PTPRT: variants seen among roughly 807,000 people sequenced by gnomAD.
The protein encoded by PTPRT is protein tyrosine phosphatase receptor type T, also known as receptor-type tyrosine-protein phosphatase T.
PTPRT carries 56 observed loss-of-function variants against 176.8 expected under a neutral mutation model. That is an observed-to-expected ratio of 0.32 (90% CI 0.26 to 0.40). The LOEUF (loss-of-function observed/expected upper bound fraction) is 0.40, where lower values mean the gene tolerates loss of function less well. Among genes scored for constraint, PTPRT ranks in the 10% least tolerant of loss-of-function variants. The probability of loss-of-function intolerance (pLI) is 1.00; values close to 1 mark genes in which losing one functional copy is unlikely to be tolerated. For synonymous variants in PTPRT, 783 were observed against 739.0 expected, an observed-to-expected ratio of 1.06 and a Z score of -0.96; for missense variants, 1,540 against 1,908.2, an observed-to-expected ratio of 0.81 and a Z score of 3.60.
At position 42,085,709 on chromosome 20, in the gene PTPRT, A is replaced by T. The variant is rs1357158227; in HGVS notation, c.3972+19T>A. 1 of 1,613,074 alleles carries T rather than the reference A, an allele frequency of 6.2e-7. No homozygotes were observed. The highest frequency in any genetic ancestry group is 1.7e-5 in the Admixed American group (1 of 60,008). ...TTGGGGAGGAGGGGCTCAGCAAGCA[A>T]TGGCGGCCGTGTACTTACCCGGGCC... On this transcript the variant is annotated intron_variant, in intron 28 of 30. Transcript: ENST00000373187.
intron 16 of PTPRT, among the ~76,000 whole-genome samples, chr20:42,184,955 C>T (rs964182453): frequency 3.3e-5 from 5 of 151,998 alleles, no homozygotes; most frequent in African/African-American, 1.2e-4. Flanking sequence ...TGGTATTAAA[C>T]TCATCCTGGC....
Position 42,941,991 on chromosome 20 carries a change from T to TA in PTPRT, c.89-56060dup, listed in dbSNP as rs879519310. Among the ~76,000 whole-genome samples the TA allele has an allele frequency of 5.6e-3, 785 of 141,284 alleles. 6 individuals carry two copies. Among genetic ancestry groups the TA allele is most frequent in the African/African-American group, 0.018 (684 of 38,630 alleles). The allele number at this position is 141,284 out of a possible 152,430, so 92.7% of individuals were successfully genotyped here. On this transcript the variant is annotated intron_variant, in intron 1 of 30. Transcript: ENST00000373187. ...ACAATTGAGAAGTCATTCCTCCCATTAAAAAAAAAAAGCAAAATGCAACTC... is the reference window on the plus strand; with the variant it reads ...ACAATTGAGAAGTCATTCCTCCCATTAAAAAAAAAAAAGCAAAATGCAACTC...
intron 13 of PTPRT, among the ~76,000 whole-genome samples, chr20:42,267,438 A>C (rs909609839): frequency 2.6e-5 from 4 of 152,358 alleles, no homozygotes; most frequent in African/African-American, 9.6e-5. Flanking sequence ...TTATATTATT[A>C]AAATTAGCTT....
intron 16 of PTPRT, among the ~76,000 whole-genome samples, chr20:42,180,969 TC>T: frequency 6.6e-6 from 1 of 152,196 alleles, no homozygotes; most frequent in Non-Finnish European, 1.5e-5. Flanking sequence ...AACCTCAATC[TC>T]CACATGTGTG....
chr20:42,288,616 A>T (rs539798003), intron 12 of PTPRT, among the ~76,000 whole-genome samples: 14 of 152,082 alleles, frequency 9.2e-5, no homozygotes, highest in South Asian at 2.1e-4. Context: ...AACATGTGGC[A>T]TTTGATTTTC....
At chr20:42,477,482 A>G (rs752349218) in intron 7 of PTPRT, among the ~76,000 whole-genome samples, 2 of 152,204 alleles carry the variant, frequency 1.3e-5, no homozygotes, top group Non-Finnish European at 2.9e-5. Flanking sequence ...TCATGCTTTC[A>G]GTCCGACCCC....
chr20:42,518,585 T>C (rs1328586223), intron 7 of PTPRT, among the ~76,000 whole-genome samples: 1 of 152,096 alleles, frequency 6.6e-6, no homozygotes, highest in African/African-American at 2.4e-5. Context: ...CTATTTTAAA[T>C]TGTGCCATAT....
chr20:42,574,470 C>A (rs2073221153), intron 7 of PTPRT, among the ~76,000 whole-genome samples: 1 of 152,146 alleles, frequency 6.6e-6, no homozygotes, highest in South Asian at 2.1e-4. Context: ...CCAAAGGTGA[C>A]CTGCTTAGAA....
chr20:42,603,803 T>C (rs1421931082), intron 7 of PTPRT, among the ~76,000 whole-genome samples: 1 of 152,126 alleles, frequency 6.6e-6, no homozygotes, highest in Non-Finnish European at 1.5e-5. Context: ...GTAGATGTGT[T>C]TCCCAAGACA....
chr20:42,799,242 G>A (rs568101126), intron 2 of PTPRT, among the ~76,000 whole-genome samples: 5 of 152,154 alleles, frequency 3.3e-5, no homozygotes, highest in Middle Eastern at 3.4e-3. Flanking sequence ...GCAGGCGAGG[G>A]AAGGGGTACT....
chr20:42,201,781 C>T (rs1991460396), intron 15 of PTPRT, among the ~76,000 whole-genome samples: 1 of 151,364 alleles, frequency 6.6e-6, no homozygotes, highest in Admixed American at 6.6e-5. Context: ...TATGCCCTTC[C>T]TCTGGTCGCC....
intron 7 of PTPRT, among the ~76,000 whole-genome samples, chr20:42,520,802 C>CATATATATATATATAT (rs58797064): frequency 2.8e-4 from 39 of 141,746 alleles, no homozygotes; most frequent in African/African-American, 5.0e-4. Context: ...CTTGGAAAGA[C>CATATATATATATATAT]ATATATATAT....
intron 9 of PTPRT, among the ~76,000 whole-genome samples, chr20:42,418,469 G>A (rs1014417112): frequency 6.6e-6 from 1 of 152,136 alleles, no homozygotes; most frequent in African/African-American, 2.4e-5. Flanking sequence ...AGGACCATGA[G>A]TTAGAAAACA....
Position 42,654,099 on chromosome 20 carries a change from G to A in PTPRT, c.1153+23767C>T, listed in dbSNP as rs755011187. Among the ~76,000 whole-genome samples the A allele has an allele frequency of 2.6e-5, 4 of 152,218 alleles. No individual in the cohort carries two copies. In the South Asian group the frequency reaches 8.3e-4, roughly 32 times the overall value. On this transcript the variant is annotated intron_variant, in intron 7 of 30. Coordinates refer to ENST00000373187, the MANE Select transcript of PTPRT (RefSeq NM_007050.6). ...TTGCAGGGCTTCAAATGGCAGGAAA[G>A]GTAGTGACAACACTCCCAGGATGTT...
At chr20:42,903,951 G>A (rs937301881) in intron 1 of PTPRT, among the ~76,000 whole-genome samples, 2 of 152,162 alleles carry the variant, frequency 1.3e-5, no homozygotes, top group African/African-American at 2.4e-5. Flanking sequence ...AGAAGGAAGT[G>A]TACACAAAGG....
Position 42,085,791 on chromosome 20 carries a change from G to A in PTPRT, c.3909C>T (p.Phe1303=), listed in dbSNP as rs34623060. ...TGTCCTCGTCGATGTCTGCGGAGAC[G>A]AACTCCACCTGGATGGGCCCATAGC... The part of the protein sequence containing the change: ...SGCYGPIQVE[F]VSADIDEDII... Residue 1303 remains phenylalanine, a synonymous_variant, in exon 28 of 31, where the codon TTC becomes TTT. Coordinates refer to ENST00000373187, the MANE Select transcript of PTPRT (RefSeq NM_007050.6). 4.0e-5 allele frequency: 64 copies of A among 1,613,802 alleles called. No homozygotes were observed. Among genetic ancestry groups the A allele is most frequent in the Non-Finnish European group, 5.2e-5 (61 of 1,179,880 alleles).
At chr20:42,353,801 C>G (rs548321647) in intron 9 of PTPRT, among the ~76,000 whole-genome samples, 29 of 152,254 alleles carry the variant, frequency 1.9e-4, no homozygotes, top group African/African-American at 7.0e-4. Context: ...GAAATCCCAG[C>G]AATTTAGGAG....
chr20:42,549,012 C>A (rs1426508055), intron 7 of PTPRT, among the ~76,000 whole-genome samples: 1 of 152,110 alleles, frequency 6.6e-6, no homozygotes, highest in Non-Finnish European at 1.5e-5. Context: ...AGCTCGGGAG[C>A]ATGGACTAGT....
chr20:42,103,263 G>A (rs1204289338), intron 25 of PTPRT, among the ~76,000 whole-genome samples: 4 of 152,298 alleles, frequency 2.6e-5, no homozygotes, highest in Non-Finnish European at 5.9e-5. Context: ...GCTTCCAGGT[G>A]TGGATCTGGT....
Sources: gnomAD v4.1 joint callset for allele counts (sites outside exome capture counted in the v4.1 genomes callset) on GRCh38, gnomAD v4.1.1 for gene constraint, MANE v1.5 for transcripts, NCBI Gene and HGNC (gene_info 2026-07-23, HGNC 2026-07-21) for gene names.